The following ATP8A2 variants were observed in gnomAD, a reference collection of about 807,000 sequenced individuals.
The protein encoded by ATP8A2 is phospholipid-transporting ATPase IB.
Under a neutral mutation model 165.6 loss-of-function variants are expected in ATP8A2, and 100 were observed. That is an observed-to-expected ratio of 0.60 (90% confidence interval 0.51 to 0.71). The LOEUF is 0.71. Ranked by LOEUF, ATP8A2 falls within the 30% of genes least tolerant of loss-of-function variation. The pLI, the probability that ATP8A2 is intolerant of heterozygous loss-of-function variation, is 0.00. For missense variants in ATP8A2, 1,227 were observed against 1,479.5 expected, an observed-to-expected ratio of 0.83 and a Z score of 2.80; for synonymous variants, 543 against 548.8, an observed-to-expected ratio of 0.99 and a Z score of 0.15.
intron 33 of ATP8A2, among the ~76,000 whole-genome samples, chr13:25,910,119 T>C (rs1566260775): frequency 1.3e-5 from 2 of 152,232 alleles, no homozygotes; most frequent in South Asian, 2.1e-4. Context: ...AGTTTCTGTT[T>C]TGGCATTGAT....
chr13:25,610,032 A>G (rs1027881788), intron 24 of ATP8A2, among the ~76,000 whole-genome samples: 2 of 152,064 alleles, frequency 1.3e-5, no homozygotes, highest in African/African-American at 4.8e-5. Context: ...TTGGATGTAT[A>G]GATTGCAAAG....
chr13:25,489,718 A>C (rs2036464057), intron 2 of ATP8A2, among the ~76,000 whole-genome samples: 1 of 152,216 alleles, frequency 6.6e-6, no homozygotes, highest in African/African-American at 2.4e-5. Context: ...ATATCCCTTC[A>C]CACTTAATTG....
intron 24 of ATP8A2, among the ~76,000 whole-genome samples, chr13:25,680,443 G>A (rs906045655): frequency 6.6e-6 from 1 of 152,164 alleles, no homozygotes. Context: ...CTTGAATTCA[G>A]ATTTCTAGCC....
chr13:25,481,813 G>A (rs1353069976), intron 2 of ATP8A2, among the ~76,000 whole-genome samples: 2 of 152,134 alleles, frequency 1.3e-5, no homozygotes, highest in African/African-American at 2.4e-5. Context: ...GAGCAAGAGC[G>A]AGAGTGAAGG....
chr13:25,854,943 C>A (rs989006585), intron 30 of ATP8A2, among the ~76,000 whole-genome samples: 6 of 152,060 alleles, frequency 3.9e-5, no homozygotes, highest in South Asian at 2.1e-4. Context: ...CCAAAAGAAA[C>A]CCTATATTCA....
At position 25,953,738 on chromosome 13, in the gene ATP8A2, G is replaced by A. The variant is rs1054761057; in HGVS notation, c.3184-7837G>A. 3.9e-5 allele frequency among the ~76,000 whole-genome samples: 6 copies of A among 152,024 alleles called. No individual in the cohort carries two copies. The highest frequency in any genetic ancestry group is 2.1e-4 in the South Asian group (1 of 4,816). ...CAGGGTGGGGCGTTGCCTCACCCGG[G>A]AAGCACAGGGGATTGAGGAACTCCC... On this transcript the variant is annotated intron_variant, in intron 33 of 36. Transcript: ENST00000381655. This position sits in a 1 kb window ranked among gnomAD's most constrained non-coding sequence, Gnocchi z 6.7.
chr13:25,448,081 G>C (rs1323292582), intron 1 of ATP8A2, among the ~76,000 whole-genome samples: 3 of 152,180 alleles, frequency 2.0e-5, no homozygotes, highest in Non-Finnish European at 2.9e-5. Context: ...CTGGAAAACG[G>C]GGATGTGAAG....
At position 25,559,818 on chromosome 13, in the gene ATP8A2, A is replaced by T. The variant is rs182837707; in HGVS notation, c.1397+53A>T. On this transcript the variant is annotated intron_variant, in intron 15 of 36. Transcript: ENST00000381655. The stretch of plus-strand genomic sequence containing the variant: ...CTTTAGTGGAAAAGCTTTTGGAATA[A>T]TTATTTATTATTATTCATTTACATT... The T allele has an allele frequency of 1.3e-5, 16 of 1,273,628 alleles. No individual in the cohort carries two copies. In the East Asian group the frequency reaches 3.5e-4, roughly 28 times the overall value. The allele number at this position is 1,273,628 out of a possible 1,614,324, so 78.9% of individuals were successfully genotyped here. A position where few individuals can be genotyped will look rare whatever the true frequency, so the allele number is the denominator to read the frequency against.
rs1593493566 is a variant in ATP8A2 at position 25,540,204 on chromosome 13, C to T, written c.582-115C>T. The T allele has an allele frequency of 7.8e-6, 6 of 766,800 alleles. No homozygotes were observed. In the East Asian group the frequency reaches 1.5e-4, roughly 19 times the overall value. The allele number at this position is 766,800 out of a possible 1,614,324, so 47.5% of individuals were successfully genotyped here. A position where few individuals can be genotyped will look rare whatever the true frequency, so the allele number is the denominator to read the frequency against. On this transcript the variant is annotated intron_variant, in intron 7 of 36. Coordinates refer to ENST00000381655, the MANE Select transcript of ATP8A2 (RefSeq NM_016529.6). The stretch of plus-strand genomic sequence containing the variant: ...CTCCTACTATCGTGGTTATTTATAA[C>T]AATTTATTTTGAAGGGCCAATCAGC...
intron 33 of ATP8A2, among the ~76,000 whole-genome samples, chr13:25,874,724 CA>C (rs1215191664): frequency 6.6e-6 from 1 of 152,062 alleles, no homozygotes; most frequent in African/African-American, 2.4e-5. Flanking sequence ...GGTATATACC[CA>C]AAAGGATTGA....
intron 33 of ATP8A2, among the ~76,000 whole-genome samples, chr13:25,916,755 G>A (rs1008626231): frequency 1.3e-5 from 2 of 152,172 alleles, no homozygotes; most frequent in East Asian, 1.9e-4. Context: ...TTGTTTTGCT[G>A]CACAAGCTCT....
intron 24 of ATP8A2, among the ~76,000 whole-genome samples, chr13:25,671,790 C>T (rs1344597854): frequency 6.6e-6 from 1 of 152,166 alleles, no homozygotes; most frequent in Non-Finnish European, 1.5e-5. Context: ...TGATCTCGCC[C>T]TGCCTCCACT....
chr13:25,381,398 A>T (rs1234337151), intron 1 of ATP8A2, among the ~76,000 whole-genome samples: 1 of 152,232 alleles, frequency 6.6e-6, no homozygotes, highest in East Asian at 1.9e-4. Context: ...AGTAAATACA[A>T]AAGAGAAGAA....
chr13:25,498,477 C>CA (rs2036748856), intron 2 of ATP8A2, among the ~76,000 whole-genome samples: 1 of 152,340 alleles, frequency 6.6e-6, no homozygotes, highest in Admixed American at 6.5e-5. Flanking sequence ...GCTGCAGATT[C>CA]AGTCTCTCAG....
intron 24 of ATP8A2, among the ~76,000 whole-genome samples, chr13:25,645,887 CTGT>C (rs1433804213): frequency 2.0e-5 from 3 of 151,978 alleles, no homozygotes; most frequent in Admixed American, 6.6e-5. Context: ...AATGTGTACT[CTGT>C]TGTTGTTGGA....
intron 24 of ATP8A2, among the ~76,000 whole-genome samples, chr13:25,620,573 T>A (rs2040942509): frequency 6.6e-6 from 1 of 152,212 alleles, no homozygotes; most frequent in Non-Finnish European, 1.5e-5. Context: ...TAGTATTGAA[T>A]ATATGGAACA....
chr13:25,615,738 AC>A (rs1362423190), intron 24 of ATP8A2, among the ~76,000 whole-genome samples: 1 of 152,050 alleles, frequency 6.6e-6, no homozygotes, highest in Non-Finnish European at 1.5e-5. Context: ...TTCTTCTTGT[AC>A]CTGTGTTTTT....
At chr13:25,942,525 C>T (rs778964924) in intron 33 of ATP8A2, among the ~76,000 whole-genome samples, 25 of 152,288 alleles carry the variant, frequency 1.6e-4, no homozygotes, top group East Asian at 9.7e-4. Flanking sequence ...CGGGCTCAAG[C>T]GATTCTCCTG....
chr13:25,733,171 AAC>A (rs1162980857), intron 25 of ATP8A2, among the ~76,000 whole-genome samples: 1 of 152,222 alleles, frequency 6.6e-6, no homozygotes, highest in East Asian at 1.9e-4. Flanking sequence ...TGTTCTGATT[AAC>A]AGAGAAGTTA....
Sources: allele counts gnomAD v4.1 joint callset (sites outside exome capture counted in the v4.1 genomes callset), GRCh38; gene constraint gnomAD v4.1.1; non-coding constraint Gnocchi (gnomAD v3.1); transcripts MANE v1.5; gene names NCBI Gene and HGNC (gene_info 2026-07-23, HGNC 2026-07-21).